Variants in ERCC3 observed in about 807,000 individuals in gnomAD.
The protein encoded by ERCC3 is general transcription and DNA repair factor IIH helicase/translocase subunit XPB.
In ERCC3, 66 loss-of-function variants were observed where a neutral mutation model predicts 94.2. The observed-to-expected ratio is 0.70, with a 90% CI of 0.57 to 0.86. The LOEUF is 0.86. ERCC3 is among the 40% of genes least tolerant of loss of function. The pLI, the probability that ERCC3 is intolerant of heterozygous loss-of-function variation, is 0.00. For missense variants in ERCC3, 829 were observed against 987.1 expected, an observed-to-expected ratio of 0.84 and a Z score of 2.15; for synonymous variants, 349 against 369.1, an observed-to-expected ratio of 0.95 and a Z score of 0.63.
chr2:127,279,357 G>A lies in ERCC3; in HGVS notation c.1546C>T (p.Pro516Ser), dbSNP rs747849600. The A allele has an allele frequency of 1.9e-6, 3 of 1,613,862 alleles. No homozygotes were observed. Among genetic ancestry groups the A allele is most frequent in the South Asian group, 2.2e-5 (2 of 91,084 alleles). The change falls in exon 10 of 15, where the codon CCT becomes TCT. Residue 516 changes from proline to serine, a missense_variant. By Grantham distance (74) the Pro-to-Ser change is moderately conservative (BLOSUM62 -1). Transcript: ENST00000285398. This position sits in a 1 kb window ranked among gnomAD's most constrained non-coding sequence, Gnocchi z 4.7. ...QCAEVWCPMS[P>S]EFYREYVAIK... The stretch of plus-strand genomic sequence containing the variant: ...GCCACATATTCCCGGTAAAATTCAG[G>A]AGACATAGGGCACCAGACCTGTAAT...
chr2:127,289,584 A>T (rs534604262), intron 5 of ERCC3, 83 bp from the exon 6 acceptor site: 2 of 1,603,214 alleles, frequency 1.2e-6, no homozygotes, highest in African/African-American at 2.7e-5. Context: ...TAAAGGGTAG[A>T]ACCAGCAGGG....
intron 3 of ERCC3, 133 bp from the exon 4 acceptor site, chr2:127,290,406 A>T: frequency 1.3e-6 from 1 of 782,560 alleles, no homozygotes; most frequent in Non-Finnish European, 2.3e-6. Flanking sequence ...TTGCAATCCT[A>T]AAGTGGTCAG....
At chr2:127,275,186 G>C (rs1046373974) in intron 10 of ERCC3, among the ~76,000 whole-genome samples, 2 of 152,016 alleles carry the variant, frequency 1.3e-5, no homozygotes, top group African/African-American at 4.8e-5. Context: ...AGCAATGCCC[G>C]AGAGCCACAG....
intron 12 of ERCC3, among the ~76,000 whole-genome samples, chr2:127,265,620 T>C (rs989100146): frequency 1.3e-5 from 2 of 152,184 alleles, no homozygotes; most frequent in African/African-American, 4.8e-5. Flanking sequence ...GGTTTCTCCA[T>C]GTTGGTCAGG....
Position 127,272,924 on chromosome 2 carries a change from T to C in ERCC3, c.1768A>G (p.Met590Val), listed in dbSNP as rs1239997092. ...TGCTTGAAATTCTGGAGAATTTGCA[T>C]CCTTTCCCCCTGAGACGTAGGTCCG... ...IYGPTSQGER[M>V]QILQNFKHNP... Residue 590 changes from methionine to valine, a missense_variant, in exon 11 of 15, where the codon ATG (methionine) becomes GTG (valine). Transcript: ENST00000285398. 1.2e-6 allele frequency: 2 copies of C among 1,613,454 alleles called. No homozygotes were observed. Among genetic ancestry groups the C allele is most frequent in the Non-Finnish European group, 1.7e-6 (2 of 1,179,500 alleles).
chr2:127,285,297 C>A lies in ERCC3; in HGVS notation c.1342+1406G>T, dbSNP rs189823215. On this transcript the variant is annotated intron_variant, in intron 8 of 14. Transcript: ENST00000285398. ...CATGGTGGCCGAATGCAGTGGCTCA[C>A]GTCTATAATCCCAGTACTTTGGGAG... 2.3e-3 allele frequency among the ~76,000 whole-genome samples: 354 copies of A among 152,264 alleles called. 1 individual carries two copies. The highest frequency in any genetic ancestry group is 7.7e-3 in the African/African-American group (321 of 41,536).
chr2:127,290,398 G>A, intron 3 of ERCC3, 125 bp from the exon 4 acceptor site: 1 of 828,104 alleles, frequency 1.2e-6, no homozygotes, highest in South Asian at 1.4e-5. Context: ...AACCCAACTT[G>A]CAATCCTAAA....
At chr2:127,282,737 G>C (rs563107581) in intron 8 of ERCC3, among the ~76,000 whole-genome samples, 9 of 152,258 alleles carry the variant, frequency 5.9e-5, no homozygotes, top group African/African-American at 1.9e-4. Flanking sequence ...AAATCCCTTA[G>C]AGTTTGTTGG....
chr2:127,293,403 C>G, intron 2 of ERCC3, 110 bp downstream of exon 2: 1 of 1,017,746 alleles, frequency 9.8e-7, no homozygotes, highest in South Asian at 1.4e-5. Flanking sequence ...TCTCTCCCGG[C>G]CAGTTCTAGG....
chr2:127,273,008 T>C, intron 10 of ERCC3, 47 bp from the exon 11 acceptor site: 2 of 1,203,134 alleles, frequency 1.7e-6, no homozygotes, highest in Non-Finnish European at 2.5e-6. Flanking sequence ...ATGCCTCAGT[T>C]ATCTTGAAAA....
At chr2:127,272,737 G>A (rs1573941054) in intron 11 of ERCC3, 128 bp downstream of exon 11, 1 of 708,916 alleles carries the variant, frequency 1.4e-6, no homozygotes, top group Non-Finnish European at 2.6e-6. Flanking sequence ...CCCTGGACAT[G>A]TCGGAAATGA....
Position 127,294,055 on chromosome 2 carries a change from G to A in ERCC3, c.27C>T (p.Arg9=). 3 of 1,607,106 alleles carry A rather than the reference G, an allele frequency of 1.9e-6. No homozygotes were observed. In the South Asian group the frequency reaches 3.3e-5, roughly 18 times the overall value. ...GAGCGTGCCCGCGCAACGTCTCACC[G>A]CGGTCCGCTCGGTCTCTTTTGCCCA... MGKRDRAD[R]DKKKSRKRHY... Residue 9 remains arginine (R), a splice_region_variant and synonymous_variant, in exon 1 of 15, where the codon CGC becomes CGT. Transcript: ENST00000285398.
chr2:127,275,372 AC>A (rs1453297319), intron 10 of ERCC3, among the ~76,000 whole-genome samples: 3 of 152,152 alleles, frequency 2.0e-5, no homozygotes, highest in Non-Finnish European at 4.4e-5. Flanking sequence ...AAGAAAAAAC[AC>A]TACTTCATAC....
At chr2:127,261,184 A>G (rs755223508) in intron 13 of ERCC3, 44 bp downstream of exon 13, 2 of 1,133,202 alleles carry the variant, frequency 1.8e-6, no homozygotes, top group South Asian at 1.2e-5. Flanking sequence ...GGGTATCAAG[A>G]AGGCCTTGGT....
chr2:127,281,643 T>C (rs957665788), intron 8 of ERCC3, among the ~76,000 whole-genome samples: 7 of 152,110 alleles, frequency 4.6e-5, no homozygotes, highest in African/African-American at 1.7e-4. Flanking sequence ...AAAAGAGGCC[T>C]GAATGCACCA....
chr2:127,261,429 A>C, intron 12 of ERCC3, 83 bp from the exon 13 acceptor site: 1 of 896,274 alleles, frequency 1.1e-6, no homozygotes. Flanking sequence ...CAGGCTCAAA[A>C]GCAAGCACTG....
rs780658822 is a variant in ERCC3 at position 127,257,750 on chromosome 2, C to T, written c.2218-23G>A. On this transcript the variant is annotated intron_variant, in intron 14 of 14. Transcript: ENST00000285398. This position sits in a 1 kb window ranked among gnomAD's most constrained non-coding sequence, Gnocchi z 5.4. ...TGCCTGCCGGGAAGGGGGAACCAGC[C>T]CATGTTAGTCTCCAGAAGAAAAGAT... The T allele has an allele frequency of 4.3e-6, 7 of 1,613,894 alleles. No individual in the cohort carries two copies. The Admixed American group carries it at 1.2e-4, about 27-fold the overall frequency.
chr2:127,272,822 A>C, intron 11 of ERCC3, 43 bp downstream of exon 11: 1 of 1,229,122 alleles, frequency 8.1e-7, no homozygotes, highest in South Asian at 1.2e-5. Context: ...CCAGGTCCCC[A>C]GAGTGCTAGG....
intron 12 of ERCC3, chr2:127,262,064 G>C (rs1047745380): frequency 1.3e-5 from 2 of 152,714 alleles, no homozygotes; most frequent in Non-Finnish European, 2.9e-5. Context: ...GAGCCAAAAA[G>C]TGGAAACAGC....
Sources: allele counts gnomAD v4.1 joint callset (sites outside exome capture counted in the v4.1 genomes callset), GRCh38; gene constraint gnomAD v4.1.1; non-coding constraint Gnocchi (gnomAD v3.1); transcripts MANE v1.5; gene names NCBI Gene and HGNC (gene_info 2026-07-23, HGNC 2026-07-21).